Variants in IL22RA1 observed in about 807,000 individuals in gnomAD.
IL22RA1 encodes the protein interleukin-22 receptor subunit alpha-1.
IL22RA1 carries 25 observed loss-of-function variants against 32.8 expected under a neutral mutation model. That is an observed-to-expected ratio of 0.76 (90% CI 0.55 to 1.06). The LOEUF is 1.06. Among genes scored for constraint, IL22RA1 ranks in the 50% least tolerant of loss-of-function variants. IL22RA1 has a pLI of 0.00. For synonymous variants in IL22RA1, 305 were observed against 305.0 expected (o/e 1.00, Z 0.00); for missense variants, 709 against 727.4 (o/e 0.97, Z 0.29).
Position 24,123,342 on chromosome 1 carries a change from T to C in IL22RA1, c.752A>G (p.Tyr251Cys). ...TGCAGGCGGCTTGGTGACATATCTG[T>C]AGCTCAGGTAGCAGAGTACTGCGAC... is the stretch of plus-strand genomic sequence containing the variant. ...FLVAVLCYLS[Y>C]RYVTKPPAPP... Residue 251 changes from tyrosine (Y) to cysteine (C), a missense_variant, in exon 6 of 7, where the codon TAC becomes TGC. Physicochemically the swap from Tyr to Cys is radical, Grantham distance 194. Coordinates refer to ENST00000270800, the MANE Select transcript of IL22RA1 (RefSeq NM_021258.4). 6.2e-7 allele frequency: 1 copy of C among 1,614,136 alleles called. No homozygotes were observed. The highest frequency in any genetic ancestry group is 1.1e-5 in the South Asian group (1 of 91,068).
intron 3 of IL22RA1, among the ~76,000 whole-genome samples, 161 bp downstream of exon 3, chr1:24,136,970 T>TG (rs1332216000): frequency 2.2e-5 from 3 of 137,942 alleles, no homozygotes; most frequent in Non-Finnish European, 4.7e-5. Flanking sequence ...TTGGTGGGGG[T>TG]GGGGGGCTTC....
At chr1:24,133,271 C>T (rs1380548589) in intron 4 of IL22RA1, among the ~76,000 whole-genome samples, 1 of 151,784 alleles carries the variant, frequency 6.6e-6, no homozygotes, top group African/African-American at 2.4e-5. Context: ...TTTTTGGCTT[C>T]CTAAAAGTTT....
At chr1:24,123,754 C>T (rs1644142962) in intron 5 of IL22RA1, among the ~76,000 whole-genome samples, 1 of 152,118 alleles carries the variant, frequency 6.6e-6, no homozygotes, top group African/African-American at 2.4e-5. Context: ...TGGGGAGGTA[C>T]AGGGAAAGCC....
intron 5 of IL22RA1, among the ~76,000 whole-genome samples, chr1:24,125,988 G>A (rs1644158645): frequency 1.3e-5 from 2 of 152,174 alleles, no homozygotes; most frequent in South Asian, 4.1e-4. Context: ...CTCATTATAA[G>A]CAAGACAAAG....
chr1:24,127,299 C>A (rs1489896351), intron 5 of IL22RA1, among the ~76,000 whole-genome samples: 2 of 151,910 alleles, frequency 1.3e-5, no homozygotes, highest in Non-Finnish European at 2.9e-5. Flanking sequence ...ACCTGTGTGA[C>A]CTTGGGCAAG....
chr1:24,140,484 GGAGGAGAAGAGA>G (rs1285199844), intron 1 of IL22RA1, among the ~76,000 whole-genome samples: 1 of 152,210 alleles, frequency 6.6e-6, no homozygotes, highest in South Asian at 2.1e-4. Context: ...AATTTAGGGA[GGAGGAGAAGAGA>G]GAGGAGAAGA....
At chr1:24,137,355 A>T (rs886250629) in intron 2 of IL22RA1, 46 bp from the exon 3 acceptor site, 1 of 1,577,504 alleles carries the variant, frequency 6.3e-7, no homozygotes, top group Non-Finnish European at 8.7e-7. Context: ...TGAAAAGGCC[A>T]GCGCTAGGCC....
At chr1:24,132,756 T>C (rs1425984067) in intron 4 of IL22RA1, among the ~76,000 whole-genome samples, 1 of 151,770 alleles carries the variant, frequency 6.6e-6, no homozygotes, top group African/African-American at 2.4e-5. Context: ...AACCCAGCAC[T>C]TTGGGAGGCT....
chr1:24,128,272 C>T lies in IL22RA1; in HGVS notation c.539G>A (p.Gly180Glu). ...GAACTCATATTCTCTCTGCTTCCCT[C>T]CAAGGTGCTGAATTGGACAGAGAAT... ...QVNRTYQMHL[G>E]GKQREYEFFG... The change falls in exon 5 of 7, where the codon GGA (glycine) becomes GAA (glutamate). Residue 180 changes from glycine to glutamate, a missense_variant. By Grantham distance (98) the Gly-to-Glu change is moderately conservative. Transcript: ENST00000270800. 1 of 1,613,472 alleles carries T rather than the reference C, an allele frequency of 6.2e-7. No homozygotes were observed. The highest frequency in any genetic ancestry group is 2.2e-5 in the East Asian group (1 of 44,740).
At chr1:24,138,744 G>T in intron 1 of IL22RA1, 30 bp from the exon 2 acceptor site, 1 of 1,609,878 alleles carries the variant, frequency 6.2e-7, no homozygotes. Flanking sequence ...GGGTGAGCAG[G>T]GGCTTTCCCA....
chr1:24,134,905 T>C (rs1644232092), intron 3 of IL22RA1: 1 of 875,780 alleles, frequency 1.1e-6, no homozygotes, highest in Non-Finnish European at 1.4e-6. Flanking sequence ...CAGACTCCTT[T>C]GAGAATGTGA....
chr1:24,127,855 C>T (rs1644176138), intron 5 of IL22RA1, among the ~76,000 whole-genome samples: 1 of 152,082 alleles, frequency 6.6e-6, no homozygotes, highest in Admixed American at 6.6e-5. Flanking sequence ...GTATATCTCA[C>T]CTGGGTTAAT....
Position 24,134,430 on chromosome 1 carries a change from C to A in IL22RA1, c.356-44G>T. 3.5e-6 allele frequency: 5 copies of A among 1,424,672 alleles called. No individual in the cohort carries two copies. The South Asian group carries it at 4.5e-5, about 13-fold the overall frequency. 88.3% of individuals were successfully genotyped at this position (1,424,672 alleles called of 1,614,324 possible). A position where few individuals can be genotyped will look rare whatever the true frequency, so the allele number is the denominator to read the frequency against. ...AAAAGAGAAAAGAAAAAGTCAGAAT[C>A]GGTGGGTAGTGTCTGAGGCAACCTT... On this transcript the variant is annotated intron_variant, in intron 3 of 6. Transcript: ENST00000270800.
At position 24,121,725 on chromosome 1, in the gene IL22RA1, C is replaced by T; in HGVS notation, c.805G>A (p.Val269Ile). 3 of 1,539,270 alleles carry T rather than the reference C, an allele frequency of 1.9e-6. No individual in the cohort carries two copies. The highest frequency in any genetic ancestry group is 2.5e-5 in the South Asian group (2 of 79,478). Residue 269 changes from valine (V) to isoleucine (I), a missense_variant, in exon 7 of 7, where the codon GTC becomes ATC. Transcript: ENST00000270800. The stretch of plus-strand genomic sequence containing the variant: ...AAGCGCAGCGGCTGGAAAGTCAGGA[C>T]TCGCTGGACGTTCTGTGCAGGGACG... Reference protein sequence around the residue: ...APPNSLNVQRVLTFQPLRFIQ... With the variant: ...APPNSLNVQRILTFQPLRFIQ...
intron 5 of IL22RA1, 54 bp downstream of exon 5, chr1:24,128,087 A>G (rs1644177201): frequency 6.8e-7 from 1 of 1,474,426 alleles, no homozygotes; most frequent in South Asian, 1.4e-5. Context: ...GAAAGAGAAG[A>G]GTCAAGACTT....
rs1397188224 is a variant in IL22RA1, at chr1:24,134,202, T to C, written c.531+9A>G. On this transcript the variant is annotated intron_variant, in intron 4 of 6. Transcript: ENST00000270800. ...GGCAGAGAAAGACCAGGGTGCAACA[T>C]ACACTCACCATTTGGTAGGTGCGGT... is the stretch of plus-strand genomic sequence containing the variant. 2 of 1,607,048 alleles carry C rather than the reference T, an allele frequency of 1.2e-6. No individual in the cohort carries two copies. The highest frequency in any genetic ancestry group is 1.7e-6 in the Non-Finnish European group (2 of 1,176,708).
intron 3 of IL22RA1, 46 bp from the exon 4 acceptor site, chr1:24,134,432 G>T: frequency 1.4e-6 from 2 of 1,416,710 alleles, no homozygotes; most frequent in Non-Finnish European, 1.9e-6. Flanking sequence ...GTCAGAATCG[G>T]TGGGTAGTGT....
intron 4 of IL22RA1, among the ~76,000 whole-genome samples, chr1:24,129,444 G>T (rs1476717060): frequency 6.6e-6 from 1 of 152,198 alleles, no homozygotes; most frequent in Non-Finnish European, 1.5e-5. Context: ...CTCTCTCTGG[G>T]GCTGGCCCCA....
chr1:24,137,258 C>T lies in IL22RA1; in HGVS notation c.228G>A (p.Arg76=). Residue 76 remains arginine (R), a synonymous_variant, in exon 3 of 7, where the codon CGG becomes CGA. Transcript: ENST00000270800. Reference sequence around the variant, plus strand: ...TCTCCACCGTCAGGTTGCAGGACTTCCGGGTGATCCGCTGACAGCCCTTCT... The same window carrying T: ...TCTCCACCGTCAGGTTGCAGGACTTTCGGGTGATCCGCTGACAGCCCTTCT... The part of the protein sequence containing the change: ...VAKKGCQRIT[R]KSCNLTVETG... 6.2e-7 allele frequency: 1 copy of T among 1,614,148 alleles called. No homozygotes were observed. The highest frequency in any genetic ancestry group is 8.5e-7 in the Non-Finnish European group (1 of 1,180,028).
Sources: gnomAD v4.1 joint callset for allele counts (sites outside exome capture counted in the v4.1 genomes callset) on GRCh38, gnomAD v4.1.1 for gene constraint, MANE v1.5 for transcripts, NCBI Gene and HGNC (gene_info 2026-07-23, HGNC 2026-07-21) for gene names.